Variants in TSC1 observed in about 807,000 individuals in gnomAD.
TSC1 encodes hamartin.
A neutral mutation model predicts 124.3 loss-of-function variants in TSC1; 20 were observed. The observed-to-expected ratio is 0.16, with a 90% CI of 0.11 to 0.23. The LOEUF (loss-of-function observed/expected upper bound fraction) is 0.23, where lower values mean the gene tolerates loss of function less well. Among genes scored for constraint, TSC1 ranks in the 10% least tolerant of loss-of-function variants. The probability of loss-of-function intolerance (pLI) is 1.00; values close to 1 mark genes in which losing one functional copy is unlikely to be tolerated. For missense variants in TSC1, 1,124 were observed against 1,448.5 expected, an observed-to-expected ratio of 0.78 and a Z score of 3.64; for synonymous variants, 493 against 539.1, an observed-to-expected ratio of 0.91 and a Z score of 1.19.
rs1846658338 is a variant in TSC1, at chr9:132,923,182, G to A, written c.508+166C>T. On this transcript the variant is annotated intron_variant, in intron 6 of 22. Coordinates refer to ENST00000298552, the MANE Select transcript of TSC1 (RefSeq NM_000368.5). This position sits in a 1 kb window ranked among gnomAD's most constrained non-coding sequence, Gnocchi z 4.2. Reference sequence around the variant, plus strand: ...ATCTCAACAGTCATGTTTCTTCTATGTGCCTGTAGTGGATGCACCCAAGAT... The same window carrying A: ...ATCTCAACAGTCATGTTTCTTCTATATGCCTGTAGTGGATGCACCCAAGAT... 6.6e-6 allele frequency among the ~76,000 whole-genome samples: 1 copy of A among 152,148 alleles called. No homozygotes were observed.
rs182128629 is a variant in TSC1, at chr9:132,893,766, G to C, written c.*2469C>G. ...CTTAATTGGTTTCAAGGTAGACTCT[G>C]CCCTTAACGCTTATTGTACTAATAC... On this transcript the variant is annotated 3_prime_UTR_variant, in exon 23 of 23. Transcript: ENST00000298552. 3.4e-5 allele frequency: 8 copies of C among 233,118 alleles called. No individual in the cohort carries two copies. The highest frequency in any genetic ancestry group is 2.3e-4 in the Admixed American group (4 of 17,772). 14.4% of individuals were successfully genotyped at this position (233,118 alleles called of 1,614,324 possible).
intron 20 of TSC1, 173 bp downstream of exon 20, chr9:132,900,542 G>A (rs1845310628): frequency 1.9e-6 from 2 of 1,036,972 alleles, no homozygotes; most frequent in Non-Finnish European, 2.9e-6. Context: ...GGAGAAACAA[G>A]CTCACATGGT....
At chr9:132,900,071 T>A (rs1845288639) in intron 20 of TSC1, 1 of 155,992 alleles carries the variant, frequency 6.4e-6, no homozygotes, top group African/African-American at 2.4e-5. Flanking sequence ...CGAAAAAGAC[T>A]CTTTACAAAG....
At position 132,893,531 on chromosome 9, in the gene TSC1, G is replaced by A. The variant is rs911990312; in HGVS notation, c.*2704C>T. The A allele has an allele frequency of 5.2e-5, 12 of 232,880 alleles. No individual in the cohort carries two copies. Among genetic ancestry groups the A allele is most frequent in the South Asian group, 1.8e-4 (1 of 5,524 alleles). 14.4% of individuals were successfully genotyped at this position (232,880 alleles called of 1,614,324 possible). On this transcript the variant is annotated 3_prime_UTR_variant, in exon 23 of 23. Coordinates refer to ENST00000298552, the MANE Select transcript of TSC1 (RefSeq NM_000368.5). ...TCTGCGTCTTCCTATCCCCCTCCCC[G>A]CTAAAACTGTAGTGCACCTTTTTAA...
intron 1 of TSC1, among the ~76,000 whole-genome samples, chr9:132,940,499 C>T (rs1588385527): frequency 6.6e-6 from 1 of 152,150 alleles, no homozygotes; most frequent in African/African-American, 2.4e-5. Context: ...GAACCACTGA[C>T]CTGACCTGTG....
intron 5 of TSC1, among the ~76,000 whole-genome samples, 188 bp downstream of exon 5, chr9:132,925,399 G>A (rs1457171836): frequency 6.6e-6 from 1 of 152,200 alleles, no homozygotes; most frequent in African/African-American, 2.4e-5. Flanking sequence ...GTATTCAATA[G>A]TCATAGTGAT....
At chr9:132,916,812 G>T (rs988850994) in intron 8 of TSC1, among the ~76,000 whole-genome samples, 20 of 152,140 alleles carry the variant, frequency 1.3e-4, no homozygotes, top group African/African-American at 4.8e-4. Flanking sequence ...GATTGGACTG[G>T]CTGCTCTCAG....
At chr9:132,900,928 T>C in intron 19 of TSC1, 91 bp from the exon 20 acceptor site, 1 of 1,586,266 alleles carries the variant, frequency 6.3e-7, no homozygotes, top group East Asian at 2.2e-5. Context: ...AGGAGCACAC[T>C]ATTTCAATGT....
chr9:132,943,383 A>G (rs978349009), intron 1 of TSC1: 1 of 152,248 alleles, frequency 6.6e-6, no homozygotes, highest in African/African-American at 2.4e-5. Flanking sequence ...GCTAAGGCGG[A>G]TAAGCCAAGT....
At chr9:132,935,006 C>G in intron 2 of TSC1, 27 bp downstream of exon 2, 1 of 399,106 alleles carries the variant, frequency 2.5e-6, no homozygotes, top group Non-Finnish European at 4.4e-6. Context: ...CCATCTTCCT[C>G]TAACCACTGG....
chr9:132,944,444 T>C (rs1847958042), intron 1 of TSC1, 99 bp downstream of exon 1: 1 of 396,904 alleles, frequency 2.5e-6, no homozygotes, highest in Non-Finnish European at 4.4e-6. Flanking sequence ...AGTGAGTCTC[T>C]TGCTCCAGCC....
chr9:132,922,878 A>G (rs1846643361), intron 6 of TSC1, among the ~76,000 whole-genome samples: 1 of 152,202 alleles, frequency 6.6e-6, no homozygotes, highest in Non-Finnish European at 1.5e-5. Context: ...AGGGGAAAAA[A>G]AAAAACCACT....
chr9:132,924,424 G>T (rs1846739954), intron 5 of TSC1, among the ~76,000 whole-genome samples: 1 of 152,266 alleles, frequency 6.6e-6, no homozygotes, highest in South Asian at 2.1e-4. Flanking sequence ...ATTGGTAGGA[G>T]AATTGAGAAT....
At chr9:132,919,665 A>C (rs946867440) in intron 8 of TSC1, among the ~76,000 whole-genome samples, 1 of 152,202 alleles carries the variant, frequency 6.6e-6, no homozygotes. Flanking sequence ...ACCAAGAAAG[A>C]AGACAAGATA....
chr9:132,907,244 C>T (rs1845718700), intron 13 of TSC1, 57 bp downstream of exon 13: 2 of 1,439,064 alleles, frequency 1.4e-6, no homozygotes, highest in Non-Finnish European at 9.8e-7. Context: ...TTTTCTTAAA[C>T]ACATATAACC....
intron 16 of TSC1, 121 bp downstream of exon 16, chr9:132,904,290 G>T: frequency 1.8e-6 from 2 of 1,107,050 alleles, no homozygotes; most frequent in Non-Finnish European, 2.7e-6. Context: ...CAGATAGCCT[G>T]GCCGGAGCAA....
chr9:132,929,386 G>C (rs1270625789), intron 2 of TSC1, among the ~76,000 whole-genome samples: 1 of 152,214 alleles, frequency 6.6e-6, no homozygotes, highest in African/African-American at 2.4e-5. Context: ...ATGGCTAAGA[G>C]TTAGTATAGC....
intron 2 of TSC1, among the ~76,000 whole-genome samples, chr9:132,934,811 T>C (rs1847372124): frequency 6.6e-6 from 1 of 152,258 alleles, no homozygotes; most frequent in African/African-American, 2.4e-5. Context: ...AAAGCGTGGC[T>C]GTGAAGAAGA....
intron 9 of TSC1, 124 bp downstream of exon 9, chr9:132,912,158 T>C: frequency 8.6e-7 from 1 of 1,159,994 alleles, no homozygotes; most frequent in Non-Finnish European, 1.2e-6. Flanking sequence ...AAATTTAAGA[T>C]ATTTTGGGAA....
Sources: allele counts gnomAD v4.1 joint callset (sites outside exome capture counted in the v4.1 genomes callset), GRCh38; gene constraint gnomAD v4.1.1; non-coding constraint Gnocchi (gnomAD v3.1); transcripts MANE v1.5; gene names NCBI Gene and HGNC (gene_info 2026-07-23, HGNC 2026-07-21).